RALGPS2: variants seen among roughly 807,000 people sequenced by gnomAD.
The protein encoded by RALGPS2 is Ral GEF with PH domain and SH3 binding motif 2, also known as ras-specific guanine nucleotide-releasing factor RalGPS2.
In RALGPS2, 43 loss-of-function variants were observed where a neutral mutation model predicts 86.8. That is an observed-to-expected ratio of 0.50 (90% CI 0.39 to 0.64). The LOEUF (loss-of-function observed/expected upper bound fraction) is 0.64, where lower values mean the gene tolerates loss of function less well. Ranked by LOEUF, RALGPS2 falls within the 30% of genes least tolerant of loss-of-function variation. The pLI, the probability that RALGPS2 is intolerant of heterozygous loss-of-function variation, is 0.00. For missense variants in RALGPS2, 536 were observed against 694.6 expected (o/e 0.77, Z 2.57); for synonymous variants, 243 against 231.3 (o/e 1.05, Z -0.46).
intron 8 of RALGPS2, among the ~76,000 whole-genome samples, chr1:178,847,632 T>C (rs1458584231): frequency 2.0e-5 from 3 of 151,514 alleles, no homozygotes; most frequent in Non-Finnish European, 2.9e-5. Context: ...CAAAGATTAA[T>C]TTAAATATAT....
chr1:178,784,097 C>G (rs1463912935), intron 2 of RALGPS2, among the ~76,000 whole-genome samples: 2 of 152,098 alleles, frequency 1.3e-5, no homozygotes, highest in Non-Finnish European at 2.9e-5. Flanking sequence ...CCCCTGACTT[C>G]CCTTTACCTT....
At chr1:178,900,289 A>AT (rs1660113600) in intron 17 of RALGPS2, among the ~76,000 whole-genome samples, 2 of 151,910 alleles carry the variant, frequency 1.3e-5, no homozygotes, top group Admixed American at 6.6e-5. Flanking sequence ...TAAAGTATAT[A>AT]TTTTTTTGCC....
Position 178,902,117 on chromosome 1 carries a change from A to G in RALGPS2, c.1536A>G (p.Thr512=). 6.2e-7 allele frequency: 1 copy of G among 1,611,864 alleles called. No homozygotes were observed. The highest frequency in any genetic ancestry group is 1.3e-5 in the African/African-American group (1 of 74,928). The stretch of plus-strand genomic sequence containing the variant: ...TTTTTTTCTCTCAGTTCAAATCAAC[A>G]TCCAATAAGAACGTATCTGTGATAG... ...KATERKHFKS[T]SNKNVSVIGW... The change falls in exon 18 of 20, where the codon ACA becomes ACG. Residue 512 remains threonine, a synonymous_variant. Transcript: ENST00000367635.
chr1:178,833,177 GA>G (rs1347565879), intron 7 of RALGPS2, among the ~76,000 whole-genome samples: 1 of 151,920 alleles, frequency 6.6e-6, no homozygotes, highest in African/African-American at 2.4e-5. Context: ...TAGTAAACAC[GA>G]AAATGTTATA....
chr1:178,741,992 C>A (rs552648967), intron 1 of RALGPS2, among the ~76,000 whole-genome samples: 8 of 151,794 alleles, frequency 5.3e-5, no homozygotes, highest in Admixed American at 3.3e-4. Context: ...AAAAATTAGC[C>A]GGGCATGGTG....
intron 1 of RALGPS2, among the ~76,000 whole-genome samples, chr1:178,769,349 G>A (rs1323169019): frequency 6.6e-6 from 1 of 152,098 alleles, no homozygotes. Flanking sequence ...CCAAATGCTT[G>A]GAGATCTGCC....
chr1:178,773,430 A>T (rs1652904497), intron 1 of RALGPS2, among the ~76,000 whole-genome samples: 1 of 152,208 alleles, frequency 6.6e-6, no homozygotes, highest in African/African-American at 2.4e-5. Context: ...ATATTAAAGC[A>T]TATATTTGGC....
At chr1:178,803,208 T>C (rs1654565093) in intron 4 of RALGPS2, among the ~76,000 whole-genome samples, 1 of 152,172 alleles carries the variant, frequency 6.6e-6, no homozygotes, top group Non-Finnish European at 1.5e-5. Context: ...TAATCAGAAA[T>C]GTCAGAAGAG....
chr1:178,752,192 G>C (rs988243122), intron 1 of RALGPS2, among the ~76,000 whole-genome samples: 1 of 150,716 alleles, frequency 6.6e-6, no homozygotes, highest in Non-Finnish European at 1.5e-5. Context: ...CTAGTGTGCA[G>C]TGGCACAGTC....
intron 8 of RALGPS2, among the ~76,000 whole-genome samples, chr1:178,839,451 C>A (rs1374997520): frequency 1.3e-5 from 2 of 152,240 alleles, no homozygotes; most frequent in Admixed American, 1.3e-4. Context: ...CCTTTACAGA[C>A]AAGCAAATGC....
At chr1:178,738,598 A>G (rs1208838654) in intron 1 of RALGPS2, among the ~76,000 whole-genome samples, 1 of 152,228 alleles carries the variant, frequency 6.6e-6, no homozygotes, top group Non-Finnish European at 1.5e-5. Flanking sequence ...TCTAATAAGT[A>G]TCTACATGTT....
intron 1 of RALGPS2, chr1:178,747,830 C>T: frequency 3.2e-6 from 2 of 621,110 alleles, no homozygotes; most frequent in Admixed American, 2.8e-5. Flanking sequence ...CCGCAGAGAG[C>T]CTATATTACA....
At chr1:178,754,714 G>A (rs1651862236) in intron 1 of RALGPS2, among the ~76,000 whole-genome samples, 1 of 152,206 alleles carries the variant, frequency 6.6e-6, no homozygotes. Context: ...TGGGCATCCT[G>A]TGGTTCAGTC....
At chr1:178,910,488 CA>C (rs768906577) in intron 19 of RALGPS2, among the ~76,000 whole-genome samples, 3 of 152,162 alleles carry the variant, frequency 2.0e-5, no homozygotes, top group Non-Finnish European at 4.4e-5. Flanking sequence ...TGAATTTTAT[CA>C]AAAGCCTTTT....
chr1:178,741,910 G>A (rs928486049), intron 1 of RALGPS2, among the ~76,000 whole-genome samples: 1 of 152,084 alleles, frequency 6.6e-6, no homozygotes, highest in Non-Finnish European at 1.5e-5. Context: ...GGCCGAGGCG[G>A]GAGGATCATG....
Position 178,881,609 on chromosome 1 carries a change from C to T in RALGPS2, c.837-1857C>T, listed in dbSNP as rs185858206. Among the ~76,000 whole-genome samples the T allele has an allele frequency of 3.2e-3, 490 of 152,164 alleles. 5 individuals carry two copies. The highest frequency in any genetic ancestry group is 0.011 in the African/African-American group (438 of 41,494). ...GGGATTACAGGTGCCCGCCATCATG[C>T]CCGGCTAATTTTTGTATTTTTAGTA... On this transcript the variant is annotated intron_variant, in intron 10 of 19. Coordinates refer to ENST00000367635, the MANE Select transcript of RALGPS2 (RefSeq NM_152663.5).
At chr1:178,742,790 A>G (rs1183558749) in intron 1 of RALGPS2, among the ~76,000 whole-genome samples, 1 of 152,256 alleles carries the variant, frequency 6.6e-6, no homozygotes, top group Non-Finnish European at 1.5e-5. Context: ...ATTTGAAACT[A>G]TTAACAAAAT....
At chr1:178,853,173 A>G (rs1373724961) in intron 8 of RALGPS2, 2 of 985,232 alleles carry the variant, frequency 2.0e-6, no homozygotes, top group Admixed American at 1.2e-4. Flanking sequence ...ATTCATTTGC[A>G]TAGCTAGCTT....
chr1:178,813,324 G>T (rs1444643865), intron 6 of RALGPS2, among the ~76,000 whole-genome samples: 1 of 152,134 alleles, frequency 6.6e-6, no homozygotes, highest in East Asian at 1.9e-4. Context: ...AAATTTACTT[G>T]TATGTTCCAC....
Sources: gnomAD v4.1 joint callset for allele counts (sites outside exome capture counted in the v4.1 genomes callset) on GRCh38, gnomAD v4.1.1 for gene constraint, MANE v1.5 for transcripts, NCBI Gene and HGNC (gene_info 2026-07-23, HGNC 2026-07-21) for gene names.